The following KTN1 variants were observed in gnomAD, a reference collection of about 807,000 sequenced individuals.
KTN1 encodes the protein kinectin 1.
KTN1 carries 130 observed loss-of-function variants against 222.5 expected under a neutral mutation model. The ratio of observed to expected loss-of-function variants is 0.58; its 90% CI spans 0.51 to 0.68. The LOEUF (loss-of-function observed/expected upper bound fraction) is 0.68, where lower values mean the gene tolerates loss of function less well. KTN1 is among the 30% of genes least tolerant of loss of function. The pLI is 0.00. For synonymous variants in KTN1, 512 were observed against 496.3 expected, an observed-to-expected ratio of 1.03 and a Z score of -0.42; for missense variants, 1,508 against 1,500.4, an observed-to-expected ratio of 1.01 and a Z score of -0.08.
intron 1 of KTN1, among the ~76,000 whole-genome samples, chr14:55,600,964 G>A (rs1452296611): frequency 6.6e-6 from 1 of 152,024 alleles, no homozygotes; most frequent in African/African-American, 2.4e-5. Context: ...GAGAAAATGG[G>A]CTGGTTTGGG....
At chr14:55,625,361 C>G (rs1566738778) in intron 5 of KTN1, among the ~76,000 whole-genome samples, 1 of 152,106 alleles carries the variant, frequency 6.6e-6, no homozygotes, top group Non-Finnish European at 1.5e-5. Flanking sequence ...ATACTTGCTT[C>G]AGTTATATTT....
At chr14:55,655,945 A>G in intron 28 of KTN1, 97 bp from the exon 29 acceptor site, 3 of 635,146 alleles carry the variant, frequency 4.7e-6, no homozygotes, top group Non-Finnish European at 8.2e-6. Flanking sequence ...GCTGGTATGT[A>G]TTGTTTCTGC....
Position 55,653,032 on chromosome 14 carries a change from A to C in KTN1, c.2710A>C (p.Asn904His), listed in dbSNP as rs1279283853. ...GKWLQDLQEE[N>H]ESLKAHVQEV... The stretch of plus-strand genomic sequence containing the variant: ...TCTTTTTAAGGATCTTCAAGAAGAA[A>C]ATGAATCTTTAAAAGCACATGTTCA... The change falls in exon 27 of 44, where the codon AAT (asparagine) becomes CAT (histidine). Residue 904 changes from asparagine (N) to histidine (H), a missense_variant. Physicochemically the swap from Asn to His is moderately conservative, Grantham distance 68. Transcript: ENST00000395314. The C allele has an allele frequency of 6.9e-6, 11 of 1,605,636 alleles. No homozygotes were observed. In the South Asian group the frequency reaches 1.2e-4, roughly 18 times the overall value.
At chr14:55,590,662 CTTG>C (rs1286878339) in intron 1 of KTN1, among the ~76,000 whole-genome samples, 4 of 150,930 alleles carry the variant, frequency 2.7e-5, no homozygotes, top group Non-Finnish European at 5.9e-5. Context: ...TCCCCTCAAC[CTTG>C]TTATCAGGAT....
chr14:55,662,914 G>A (rs762745613), intron 32 of KTN1: 6 of 455,950 alleles, frequency 1.3e-5, no homozygotes, highest in African/African-American at 1.2e-4. Context: ...GGAGGGCATG[G>A]TAATGCAGCA....
chr14:55,632,960 GA>G (rs2040703495), intron 7 of KTN1, among the ~76,000 whole-genome samples: 1 of 152,136 alleles, frequency 6.6e-6, no homozygotes, highest in South Asian at 2.1e-4. Flanking sequence ...ATTTAGTTCT[GA>G]AACATCATCT....
rs2140731396 is a variant in KTN1 at position 55,618,152 on chromosome 14, T to C, written c.832+18T>C. The C allele has an allele frequency of 6.3e-7, 1 of 1,588,240 alleles. No individual in the cohort carries two copies. On this transcript the variant is annotated intron_variant, in intron 4 of 43. Transcript: ENST00000395314. ...TGACAAAGGTAATATATGGGATTTATAGTCTTTGTTGTACTATAAAAACAC... is the reference window on the plus strand; with the variant it reads ...TGACAAAGGTAATATATGGGATTTACAGTCTTTGTTGTACTATAAAAACAC...
intron 3 of KTN1, 33 bp downstream of exon 3, chr14:55,616,687 T>C: frequency 6.5e-7 from 1 of 1,547,026 alleles, no homozygotes; most frequent in Non-Finnish European, 8.7e-7. Context: ...TTTATAATGC[T>C]AATTCTAGAG....
At chr14:55,624,925 C>G (rs935850370) in intron 5 of KTN1, among the ~76,000 whole-genome samples, 1 of 152,104 alleles carries the variant, frequency 6.6e-6, no homozygotes, top group Non-Finnish European at 1.5e-5. Context: ...TAAATAAGTA[C>G]CAAATGAATG....
At chr14:55,646,595 T>G (rs2042388360) in intron 18 of KTN1, among the ~76,000 whole-genome samples, 1 of 151,064 alleles carries the variant, frequency 6.6e-6, no homozygotes, top group Non-Finnish European at 1.5e-5. Flanking sequence ...TTTTCTTCTT[T>G]TCTTTCTTTT....
intron 1 of KTN1, among the ~76,000 whole-genome samples, chr14:55,597,102 C>T (rs1306426046): frequency 1.3e-5 from 2 of 151,908 alleles, no homozygotes; most frequent in African/African-American, 2.4e-5. Context: ...CAAGGACCAC[C>T]TATATAAAGT....
Position 55,659,188 on chromosome 14 carries a change from A to T in KTN1, c.2962-478A>T, listed in dbSNP as rs531103830. 2.2e-4 allele frequency among the ~76,000 whole-genome samples: 33 copies of T among 152,160 alleles called. No individual in the cohort carries two copies. The South Asian group carries it at 6.8e-3, about 32-fold the overall frequency. Reference sequence around the variant, plus strand: ...TTGCAAACAAGAAGCTTGAGAGATTATTGTCACCAAGGAATAAATACCATA... The same window carrying T: ...TTGCAAACAAGAAGCTTGAGAGATTTTTGTCACCAAGGAATAAATACCATA... On this transcript the variant is annotated intron_variant, in intron 30 of 43. Coordinates refer to ENST00000395314, the MANE Select transcript of KTN1 (RefSeq NM_001079521.2).
chr14:55,621,672 C>T (rs1412918065), intron 5 of KTN1, among the ~76,000 whole-genome samples: 1 of 151,906 alleles, frequency 6.6e-6, no homozygotes, highest in African/African-American at 2.4e-5. Flanking sequence ...CGAGCCTCTC[C>T]CACGGCACGT....
At chr14:55,604,696 C>T (rs1238238303) in intron 1 of KTN1, among the ~76,000 whole-genome samples, 1 of 152,138 alleles carries the variant, frequency 6.6e-6, no homozygotes, top group Admixed American at 6.5e-5. Flanking sequence ...TAGAGCAGTC[C>T]TGACATATGG....
intron 5 of KTN1, among the ~76,000 whole-genome samples, chr14:55,627,417 AT>A (rs1014356137): frequency 8.2e-4 from 124 of 151,000 alleles, no homozygotes; most frequent in African/African-American, 2.8e-3. Flanking sequence ...CATTTTCATA[AT>A]TTTTTTTTAA....
intron 1 of KTN1, among the ~76,000 whole-genome samples, chr14:55,587,161 A>G (rs186050919): frequency 6.3e-4 from 96 of 152,282 alleles, no homozygotes; most frequent in African/African-American, 2.1e-3. Flanking sequence ...CTCAATTTGA[A>G]TGAATGGATG....
Position 55,628,869 on chromosome 14 carries a change from A to G in KTN1, c.1080+841A>G, listed in dbSNP as rs192768515. ...TGATAATTCATTGAGCCGCATACTT[A>G]TGATGTGTATACTTCTAAGTATGTT... On this transcript the variant is annotated intron_variant, in intron 6 of 43. Coordinates refer to ENST00000395314, the MANE Select transcript of KTN1 (RefSeq NM_001079521.2). Among the ~76,000 whole-genome samples, 12 of 152,364 alleles carry G rather than the reference A, an allele frequency of 7.9e-5. No homozygotes were observed. In the East Asian group the frequency reaches 2.3e-3, roughly 29 times the overall value.
chr14:55,623,080 C>G (rs897238371), intron 5 of KTN1, among the ~76,000 whole-genome samples: 2 of 152,200 alleles, frequency 1.3e-5, no homozygotes, highest in African/African-American at 4.8e-5. Context: ...ACTTAAATGT[C>G]ATTTTCTCAT....
chr14:55,633,361 A>G lies in KTN1; in HGVS notation c.1328+20A>G. On this transcript the variant is annotated intron_variant, in intron 8 of 43. Transcript: ENST00000395314. ...AAGCAAGTATGTTTCCAAATACCTTATTTTTTAATTGAATGGCAGAGTATT... is the reference window on the plus strand; with the variant it reads ...AAGCAAGTATGTTTCCAAATACCTTGTTTTTTAATTGAATGGCAGAGTATT... 7.5e-7 allele frequency: 1 copy of G among 1,338,932 alleles called. No individual in the cohort carries two copies. Among genetic ancestry groups the G allele is most frequent in the Non-Finnish European group, 1.0e-6 (1 of 974,050 alleles). 82.9% of individuals were successfully genotyped at this position (1,338,932 alleles called of 1,614,324 possible). A position where few individuals can be genotyped will look rare whatever the true frequency, so the allele number is the denominator to read the frequency against.
Sources: gnomAD v4.1 joint callset for allele counts (sites outside exome capture counted in the v4.1 genomes callset) on GRCh38, gnomAD v4.1.1 for gene constraint, MANE v1.5 for transcripts, NCBI Gene and HGNC (gene_info 2026-07-23, HGNC 2026-07-21) for gene names.